The following SYNE1 variants were observed in gnomAD, a reference collection of about 807,000 sequenced individuals.
SYNE1 encodes the protein spectrin repeat containing nuclear envelope protein 1, also known as nesprin-1.
Under a neutral mutation model 1,111.0 loss-of-function variants are expected in SYNE1, and 616 were observed. That is an observed-to-expected ratio of 0.55 (90% CI 0.52 to 0.59). The LOEUF (loss-of-function observed/expected upper bound fraction) is 0.59, where lower values mean the gene tolerates loss of function less well. SYNE1 is among the 20% of genes least tolerant of loss of function. The pLI is 0.00. For missense variants in SYNE1, 10,006 were observed against 10,417.0 expected, an observed-to-expected ratio of 0.96 and a Z score of 1.72; for synonymous variants, 3,855 against 3,825.8, an observed-to-expected ratio of 1.01 and a Z score of -0.28.
chr6:152,274,849 G>T (rs2093479703), intron 98 of SYNE1, among the ~76,000 whole-genome samples: 1 of 152,116 alleles, frequency 6.6e-6, no homozygotes, highest in Non-Finnish European at 1.5e-5. Context: ...ACCTGCCTCA[G>T]CCTCCCAAAG....
Position 152,346,681 on chromosome 6 carries a change from G to A in SYNE1, c.12078+378C>T, listed in dbSNP as rs531427252. Among the ~76,000 whole-genome samples, 17 of 152,072 alleles carry A rather than the reference G, an allele frequency of 1.1e-4. No homozygotes were observed. In the South Asian group the frequency reaches 2.9e-3, roughly 26 times the overall value. ...AAAAATTAGCCAGGCGTGGTGGCGG[G>A]CGCCTGTAGTCCCAGCTACTCGGGA... On this transcript the variant is annotated intron_variant, in intron 73 of 145. Transcript: ENST00000367255.
chr6:152,392,712 A>G (rs214947), intron 51 of SYNE1, among the ~76,000 whole-genome samples: 59,492 of 151,966 alleles, frequency 0.39, 12,135 homozygotes, highest in East Asian at 0.76. Flanking sequence ...AAATAAAAAC[A>G]CCTACTCTAA....
At chr6:152,203,664 T>C (rs2075957813) in intron 126 of SYNE1, among the ~76,000 whole-genome samples, 1 of 152,182 alleles carries the variant, frequency 6.6e-6, no homozygotes, top group Non-Finnish European at 1.5e-5. Flanking sequence ...CCCAGAGGTG[T>C]TATTACCACA....
chr6:152,530,920 G>C (rs369556310), intron 4 of SYNE1, among the ~76,000 whole-genome samples: 4 of 151,998 alleles, frequency 2.6e-5, no homozygotes, highest in African/African-American at 9.7e-5. Context: ...ACCACATCCC[G>C]CCGTGTGATG....
At chr6:152,268,786 C>A (rs139232958) in intron 99 of SYNE1, among the ~76,000 whole-genome samples, 2 of 151,920 alleles carry the variant, frequency 1.3e-5, no homozygotes, top group Non-Finnish European at 2.9e-5. Flanking sequence ...AAAAAAATAA[C>A]AAACATGCAA....
chr6:152,158,410 T>C (rs1300873971), intron 131 of SYNE1, among the ~76,000 whole-genome samples: 3 of 152,238 alleles, frequency 2.0e-5, no homozygotes, highest in Non-Finnish European at 4.4e-5. Flanking sequence ...GTGTTGCTCT[T>C]CCTCTTATTT....
chr6:152,257,537 C>T (rs1029659692), intron 101 of SYNE1, among the ~76,000 whole-genome samples: 1 of 152,020 alleles, frequency 6.6e-6, no homozygotes, highest in Non-Finnish European at 1.5e-5. Context: ...TTTCAAAACA[C>T]ACAAAAGATG....
chr6:152,288,966 A>AG (rs924720310), intron 95 of SYNE1, among the ~76,000 whole-genome samples: 7 of 152,126 alleles, frequency 4.6e-5, no homozygotes, highest in Admixed American at 6.5e-5. Context: ...AGCCAGGCTC[A>AG]GGGGGGGCGT....
At chr6:152,627,726 C>A (rs2099688727) in intron 3 of SYNE1, among the ~76,000 whole-genome samples, 1 of 152,152 alleles carries the variant, frequency 6.6e-6, no homozygotes. Context: ...CTGAGGGATG[C>A]AGGACTAGTC....
intron 41 of SYNE1, 32 bp downstream of exon 41, chr6:152,416,355 G>C (rs2098154788): frequency 6.2e-7 from 1 of 1,611,724 alleles, no homozygotes; most frequent in African/African-American, 1.3e-5. Flanking sequence ...CAAAAGAAAA[G>C]AGACAAGTGG....
In SYNE1 at chr6:152,526,153, T is replaced by A. The variant is rs746566831; in HGVS notation, c.152A>T (p.Asp51Val). The A allele has an allele frequency of 5.0e-6, 8 of 1,614,136 alleles. No homozygotes were observed. The highest frequency in any genetic ancestry group is 6.8e-6 in the Non-Finnish European group (8 of 1,179,986). ...LAKRKPPMVV[D>V]DLFEDMKDGV... ...ATCTTTCATGTCTTCAAAAAGATCG[T>A]CCACCACCATTGGAGGTTTCCGCTG... is the stretch of plus-strand genomic sequence containing the variant. The change falls in exon 5 of 146, where the codon GAC becomes GTC. Residue 51 changes from aspartate (D) to valine (V), a missense_variant. Physicochemically the swap from Asp to Val is radical, Grantham distance 152. Coordinates refer to ENST00000367255, the MANE Select transcript of SYNE1 (RefSeq NM_182961.4).
chr6:152,255,838 C>T (rs947447123), intron 102 of SYNE1, 92 bp from the exon 103 acceptor site: 1 of 1,426,012 alleles, frequency 7.0e-7, no homozygotes, highest in African/African-American at 1.4e-5. Context: ...GTGCTCACAC[C>T]TGTAATCTGA....
At chr6:152,263,250 A>G (rs905873599) in intron 100 of SYNE1, among the ~76,000 whole-genome samples, 4 of 152,090 alleles carry the variant, frequency 2.6e-5, no homozygotes, top group African/African-American at 9.7e-5. Context: ...AAGGTAGTAC[A>G]GGACACAGAG....
rs2086623651 is a variant in SYNE1, at chr6:152,244,598, T to C, written c.19631A>G (p.Lys6544Arg). ...GACCTGTAGCTTGTCACCACGCCTC[T>C]TTAATTCAATGATTCCTGCATCAAA... Reference protein sequence around the residue: ...KEFDAGIIELKRRGDKLQVEQ... With the variant: ...KEFDAGIIELRRRGDKLQVEQ... The change falls in exon 106 of 146, where the codon AAG (lysine) becomes AGG (arginine). Residue 6544 changes from lysine to arginine, a missense_variant. Physicochemically the swap from Lys to Arg is conservative, Grantham distance 26. Transcript: ENST00000367255. 1 of 1,614,004 alleles carries C rather than the reference T, an allele frequency of 6.2e-7. No homozygotes were observed. The highest frequency in any genetic ancestry group is 8.5e-7 in the Non-Finnish European group (1 of 1,179,976).
chr6:152,222,072 C>T (rs897320537), intron 117 of SYNE1, among the ~76,000 whole-genome samples: 1 of 152,164 alleles, frequency 6.6e-6, no homozygotes, highest in African/African-American at 2.4e-5. Flanking sequence ...CACATATTTA[C>T]CCTAATTGGA....
At chr6:152,574,203 CAT>C (rs5880984) in intron 3 of SYNE1, among the ~76,000 whole-genome samples, 73,815 of 144,526 alleles carry the variant, frequency 0.51, 20,468 homozygotes, top group East Asian at 0.73. Context: ...TAAATATATA[CAT>C]ATATATATAT....
At chr6:152,635,368 G>A (rs866903454) in intron 2 of SYNE1, among the ~76,000 whole-genome samples, 2 of 152,160 alleles carry the variant, frequency 1.3e-5, no homozygotes, top group Non-Finnish European at 2.9e-5. Flanking sequence ...TATTAAGTTA[G>A]TATAGATCTC....
At chr6:152,229,434 C>T (rs561481119) in intron 115 of SYNE1, among the ~76,000 whole-genome samples, 1 of 152,276 alleles carries the variant, frequency 6.6e-6, no homozygotes, top group African/African-American at 2.4e-5. Context: ...AACTTTCAAT[C>T]CGCATCCCTC....
At chr6:152,544,648 T>C (rs2099298187) in intron 3 of SYNE1, among the ~76,000 whole-genome samples, 1 of 152,206 alleles carries the variant, frequency 6.6e-6, no homozygotes, top group Non-Finnish European at 1.5e-5. Flanking sequence ...GATCATGACA[T>C]ACAACAAATG....
Sources: allele counts gnomAD v4.1 joint callset (sites outside exome capture counted in the v4.1 genomes callset), GRCh38; gene constraint gnomAD v4.1.1; transcripts MANE v1.5; gene names NCBI Gene and HGNC (gene_info 2026-07-23, HGNC 2026-07-21).